The following VWC2L variants were observed in gnomAD, a reference collection of about 807,000 sequenced individuals.
VWC2L encodes von Willebrand factor C domain-containing protein 2-like.
In VWC2L, 10 loss-of-function variants were observed where a neutral mutation model predicts 21.6. The observed-to-expected ratio is 0.46, with a 90% CI of 0.29 to 0.78. The LOEUF is 0.78. VWC2L is among the 30% of genes least tolerant of loss of function. The probability of loss-of-function intolerance (pLI) is 0.10; values close to 1 mark genes in which losing one functional copy is unlikely to be tolerated. For synonymous variants in VWC2L, 96 were observed against 94.3 expected (o/e 1.02, Z -0.10); for missense variants, 209 against 277.1 (o/e 0.75, Z 1.74).
At chr2:214,511,566 T>C (rs564298183) in intron 3 of VWC2L, among the ~76,000 whole-genome samples, 109 of 152,264 alleles carry the variant, frequency 7.2e-4, no homozygotes, top group African/African-American at 2.5e-3. Context: ...ATCTGCAAAC[T>C]GAAAGGAGAG....
chr2:214,469,509 G>A (rs894220519), intron 3 of VWC2L, among the ~76,000 whole-genome samples: 1 of 152,088 alleles, frequency 6.6e-6, no homozygotes, highest in Non-Finnish European at 1.5e-5. Context: ...GCAGGAGAAT[G>A]GCATGAACCT....
intron 3 of VWC2L, among the ~76,000 whole-genome samples, chr2:214,502,582 A>AC (rs1367328296): frequency 2.0e-5 from 3 of 151,876 alleles, no homozygotes; most frequent in East Asian, 1.9e-4. Flanking sequence ...AAACAAACAA[A>AC]AAAAAGTGAT....
chr2:214,572,103 T>C (rs1690158355), intron 3 of VWC2L, among the ~76,000 whole-genome samples: 1 of 152,130 alleles, frequency 6.6e-6, no homozygotes, highest in African/African-American at 2.4e-5. Flanking sequence ...TTCTTAAAGA[T>C]CACTAAAAGA....
intron 3 of VWC2L, among the ~76,000 whole-genome samples, chr2:214,549,510 C>G (rs369295975): frequency 1.3e-5 from 2 of 152,254 alleles, no homozygotes; most frequent in African/African-American, 4.8e-5. Context: ...CGCAGTGGCT[C>G]ACGACTGTAA....
chr2:214,419,974 G>A (rs1429874692), intron 2 of VWC2L, among the ~76,000 whole-genome samples: 3 of 152,080 alleles, frequency 2.0e-5, no homozygotes, highest in Non-Finnish European at 4.4e-5. Flanking sequence ...CAGGAGAATC[G>A]CTGGAACCTG....
intron 3 of VWC2L, among the ~76,000 whole-genome samples, chr2:214,539,900 T>TA (rs1406610493): frequency 6.6e-6 from 1 of 152,170 alleles, no homozygotes; most frequent in Non-Finnish European, 1.5e-5. Context: ...AATATATTTT[T>TA]AATGCTGCAT....
chr2:214,530,331 A>G (rs1689413536), intron 3 of VWC2L, among the ~76,000 whole-genome samples: 1 of 152,186 alleles, frequency 6.6e-6, no homozygotes, highest in Non-Finnish European at 1.5e-5. Flanking sequence ...TAATGCTAGA[A>G]GCAGAGGGGA....
chr2:214,478,907 T>G (rs1045222151), intron 3 of VWC2L, among the ~76,000 whole-genome samples: 5 of 152,218 alleles, frequency 3.3e-5, no homozygotes, highest in African/African-American at 1.2e-4. Flanking sequence ...GCTTCCCAGA[T>G]GCAGGAAAAC....
intron 3 of VWC2L, among the ~76,000 whole-genome samples, chr2:214,539,145 T>G (rs1365322332): frequency 6.6e-6 from 1 of 152,086 alleles, no homozygotes; most frequent in African/African-American, 2.4e-5. Flanking sequence ...TGCCTCTGAT[T>G]TGTTTGGAGA....
intron 3 of VWC2L, among the ~76,000 whole-genome samples, chr2:214,461,412 G>A (rs753128207): frequency 6.6e-6 from 1 of 152,176 alleles, no homozygotes; most frequent in Admixed American, 6.5e-5. Context: ...GATGAGCTGG[G>A]TAGGCCAGTC....
At chr2:214,418,244 T>C (rs760649426) in intron 2 of VWC2L, among the ~76,000 whole-genome samples, 3 of 152,224 alleles carry the variant, frequency 2.0e-5, no homozygotes, top group Non-Finnish European at 4.4e-5. Flanking sequence ...TGTTGTCTGA[T>C]ACTGTGAAGA....
chr2:214,467,294 A>G (rs929041220), intron 3 of VWC2L, among the ~76,000 whole-genome samples: 4 of 152,178 alleles, frequency 2.6e-5, no homozygotes, highest in Non-Finnish European at 4.4e-5. Flanking sequence ...ATGCTGATCA[A>G]TACTCAGCTG....
intron 3 of VWC2L, among the ~76,000 whole-genome samples, chr2:214,546,982 G>A (rs1360022565): frequency 3.3e-5 from 5 of 152,156 alleles, no homozygotes; most frequent in African/African-American, 1.2e-4. Context: ...TGTCTTTGTG[G>A]TGTTCAAAGA....
intron 3 of VWC2L, among the ~76,000 whole-genome samples, chr2:214,469,501 A>T (rs1703272364): frequency 6.6e-6 from 1 of 152,176 alleles, no homozygotes; most frequent in Non-Finnish European, 1.5e-5. Context: ...AGGCTGAAGC[A>T]GGAGAATGGC....
At chr2:214,415,273 G>C (rs1188938612) in intron 2 of VWC2L, 6 of 152,204 alleles carry the variant, frequency 3.9e-5, no homozygotes, top group Non-Finnish European at 7.3e-5. Context: ...AAGTAGCTTA[G>C]AGTTCATTTT....
chr2:214,473,138 T>C (rs1251181716), intron 3 of VWC2L, among the ~76,000 whole-genome samples: 1 of 152,180 alleles, frequency 6.6e-6, no homozygotes, highest in Non-Finnish European at 1.5e-5. Flanking sequence ...AGTCCTAAGA[T>C]TATTTGAAAG....
At chr2:214,489,922 G>A (rs150007129) in intron 3 of VWC2L, among the ~76,000 whole-genome samples, 1 of 152,314 alleles carries the variant, frequency 6.6e-6, no homozygotes, top group East Asian at 1.9e-4. Flanking sequence ...CTTACCCTAA[G>A]CATCTAAGAC....
intron 3 of VWC2L, among the ~76,000 whole-genome samples, chr2:214,459,480 C>T (rs151015240): frequency 1.1e-4 from 16 of 152,182 alleles, no homozygotes; most frequent in Middle Eastern, 3.4e-3. Context: ...TCTTATTGTT[C>T]CCACTTGTTG....
chr2:214,419,907 A>T (rs1228463562), intron 2 of VWC2L, among the ~76,000 whole-genome samples: 1 of 152,114 alleles, frequency 6.6e-6, no homozygotes, highest in Non-Finnish European at 1.5e-5. Context: ...AAAAATACAA[A>T]AATTAGCTGG....
Sources: gnomAD v4.1 joint callset for allele counts (sites outside exome capture counted in the v4.1 genomes callset) on GRCh38, gnomAD v4.1.1 for gene constraint, MANE v1.5 for transcripts, NCBI Gene and HGNC (gene_info 2026-07-23, HGNC 2026-07-21) for gene names.